Variants in KRABD2 observed in about 807,000 individuals in gnomAD.
KRABD2 encodes KRAB domain containing 2.
the KRABD2 span, chr17:8,369,698 C>T: frequency 6.2e-7 from 1 of 1,614,110 alleles, no homozygotes. Flanking sequence ...AGACACTGAC[C>T]ACCTCATGGG....
the KRABD2 span, chr17:8,371,833 A>G: frequency 9.4e-7 from 1 of 1,064,518 alleles, no homozygotes; most frequent in Non-Finnish European, 1.1e-6. Flanking sequence ...ATATGTCAGG[A>G]GATTATCCTG....
chr17:8,369,844 T>C, the KRABD2 span: 49 of 1,614,104 alleles, frequency 3.0e-5, no homozygotes, highest in Non-Finnish European at 4.1e-5. Context: ...TCTATGTCCT[T>C]AAAAGTCATG....
chr17:8,371,537 A>G, the KRABD2 span: 1 of 1,586,366 alleles, frequency 6.3e-7, no homozygotes, highest in Non-Finnish European at 8.6e-7. Flanking sequence ...GAAGGCATGC[A>G]GCATAAAGGA....
chr17:8,371,260 C>G, the KRABD2 span: 2 of 1,428,062 alleles, frequency 1.4e-6, no homozygotes, highest in Non-Finnish European at 2.0e-6. Context: ...GACGGTTTCC[C>G]CTTGACAATT....
chr17:8,373,658 CTG>C, the KRABD2 span: 1 of 160,540 alleles, frequency 6.2e-6, no homozygotes, highest in Non-Finnish European at 1.3e-5. Context: ...TGAGGAGCCC[CTG>C]TGCCCGGCCG....
chr17:8,359,894 A>AG, the KRABD2 span: 1 of 454,042 alleles, frequency 2.2e-6, no homozygotes, highest in South Asian at 1.6e-5. Context: ...CAAAAACAAG[A>AG]GGGGATGTCA....
At chr17:8,376,690 CCGA>C in the KRABD2 span, 1 of 984,268 alleles carries the variant, frequency 1.0e-6, no homozygotes, top group African/African-American at 1.7e-5. Context: ...CCAGAGGCCC[CCGA>C]GCAGCAACTC....
chr17:8,368,470 G>C, the KRABD2 span, among the ~76,000 whole-genome samples: 1 of 152,052 alleles, frequency 6.6e-6, no homozygotes, highest in African/African-American at 2.4e-5. Flanking sequence ...CACAAGCCAA[G>C]GACTGCCAAG....
At chr17:8,363,581 C>G in the KRABD2 span, among the ~76,000 whole-genome samples, 3 of 151,912 alleles carry the variant, frequency 2.0e-5, no homozygotes, top group Non-Finnish European at 4.4e-5. Context: ...CTCCTGACTT[C>G]AGGTGATCCG....
the KRABD2 span, among the ~76,000 whole-genome samples, chr17:8,361,166 C>T: frequency 1.2e-4 from 19 of 152,186 alleles, no homozygotes; most frequent in African/African-American, 4.3e-4. Flanking sequence ...AGAACATTCA[C>T]AAAAGCATTC....
At chr17:8,375,177 A>C in the KRABD2 span, among the ~76,000 whole-genome samples, 1 of 151,674 alleles carries the variant, frequency 6.6e-6, no homozygotes, top group South Asian at 2.1e-4. Flanking sequence ...AGGCCCAGCT[A>C]ATTTTTTGTA....
the KRABD2 span, among the ~76,000 whole-genome samples, chr17:8,364,028 C>A: frequency 1.3e-5 from 2 of 151,502 alleles, no homozygotes; most frequent in African/African-American, 4.9e-5. This position sits in a 1 kb window ranked among gnomAD's most constrained non-coding sequence, Gnocchi z 4.4. Flanking sequence ...GCCACCACAC[C>A]CAGCTAATTT....
At chr17:8,374,106 G>A in the KRABD2 span, among the ~76,000 whole-genome samples, 6 of 152,240 alleles carry the variant, frequency 3.9e-5, no homozygotes, top group African/African-American at 1.4e-4. Flanking sequence ...CTGCCGGGCC[G>A]CCACCCCGTC....
chr17:8,369,691 C>A, the KRABD2 span: 1 of 1,614,230 alleles, frequency 6.2e-7, no homozygotes, highest in Admixed American at 1.7e-5. Flanking sequence ...TCTAACAAGA[C>A]ACTGACCACC....
the KRABD2 span, chr17:8,370,459 T>A: frequency 1.1e-6 from 1 of 930,758 alleles, no homozygotes; most frequent in South Asian, 1.7e-5. Flanking sequence ...CCTCTAAAGT[T>A]CCTCATCAAT....
chr17:8,371,231 T>A, the KRABD2 span: 1 of 1,245,644 alleles, frequency 8.0e-7, no homozygotes, highest in Middle Eastern at 1.9e-4. Flanking sequence ...AGAAGAAAGC[T>A]GTGGGGATAT....
the KRABD2 span, chr17:8,368,945 T>G: frequency 9.7e-7 from 1 of 1,035,930 alleles, no homozygotes; most frequent in East Asian, 2.8e-5. Context: ...CAGGTTGTGG[T>G]AATTTTTTAT....
the KRABD2 span, chr17:8,359,811 G>A: frequency 2.2e-6 from 1 of 456,010 alleles, no homozygotes; most frequent in Non-Finnish European, 4.4e-6. Context: ...TGTGTTGAGC[G>A]AGATCCTAAT....
At chr17:8,360,465 A>T in the KRABD2 span, among the ~76,000 whole-genome samples, 1 of 152,150 alleles carries the variant, frequency 6.6e-6, no homozygotes, top group Admixed American at 6.6e-5. Context: ...AATTAATTCT[A>T]GGGTAAAAAT....
Sources: allele counts gnomAD v4.1 joint callset (sites outside exome capture counted in the v4.1 genomes callset), GRCh38; gene constraint gnomAD v4.1.1; non-coding constraint Gnocchi (gnomAD v3.1); transcripts MANE v1.5; gene names NCBI Gene and HGNC (gene_info 2026-07-23, HGNC 2026-07-21).